The following MAPK10 variants were observed in gnomAD, a reference collection of about 807,000 sequenced individuals.
The protein encoded by MAPK10 is JNK3 alpha protein kinase.
Under a neutral mutation model 59.3 loss-of-function variants are expected in MAPK10, and 25 were observed. That is an observed-to-expected ratio of 0.42 (90% CI 0.31 to 0.59). The LOEUF is 0.59. MAPK10 is among the 20% of genes least tolerant of loss of function. MAPK10 has a pLI of 0.15. For missense variants in MAPK10, 351 were observed against 568.9 expected, an observed-to-expected ratio of 0.62 and a Z score of 3.90; for synonymous variants, 190 against 200.5, an observed-to-expected ratio of 0.95 and a Z score of 0.44.
At chr4:86,031,289 GT>G in intron 12 of MAPK10, 78 bp downstream of exon 12, 2 of 1,020,604 alleles carry the variant, frequency 2.0e-6, no homozygotes, top group Non-Finnish European at 3.0e-6. Flanking sequence ...TTAGTAAATT[GT>G]TTTACAAGGA....
At chr4:86,086,017 G>C (rs1437979136) in intron 9 of MAPK10, among the ~76,000 whole-genome samples, 1 of 152,124 alleles carries the variant, frequency 6.6e-6, no homozygotes, top group Non-Finnish European at 1.5e-5. Context: ...GGCCTGTCAG[G>C]GGAGCTGGGT....
intron 1 of MAPK10, among the ~76,000 whole-genome samples, chr4:86,552,485 G>A (rs1759900131): frequency 1.5e-5 from 1 of 64,546 alleles, no homozygotes; most frequent in African/African-American, 4.9e-5. Flanking sequence ...GGGAGGGAGG[G>A]AGGGAGGGAG....
In MAPK10 at chr4:86,150,318, C is replaced by G. The variant is rs546400434; in HGVS notation, c.236+8980G>C. ...CAGGAGAAAAAGGGTAAGAGGGGGT[C>G]AAGGGATAAAAAACTACACATTAGG... On this transcript the variant is annotated intron_variant, in intron 4 of 13. Coordinates refer to ENST00000641462, the MANE Select transcript of MAPK10 (RefSeq NM_138982.4). Among the ~76,000 whole-genome samples, 9 of 152,190 alleles carry G rather than the reference C, an allele frequency of 5.9e-5. No individual in the cohort carries two copies. The South Asian group carries it at 1.7e-3, about 28-fold the overall frequency.
intron 1 of MAPK10, among the ~76,000 whole-genome samples, chr4:86,582,867 G>A (rs1762397629): frequency 6.6e-6 from 1 of 151,938 alleles, no homozygotes; most frequent in African/African-American, 2.4e-5. Flanking sequence ...ATATTTGAAT[G>A]TGTTATTAAT....
At chr4:86,020,039 T>C (rs1745584285) in intron 13 of MAPK10, among the ~76,000 whole-genome samples, 1 of 152,214 alleles carries the variant, frequency 6.6e-6, no homozygotes, top group Admixed American at 6.5e-5. Flanking sequence ...CACAATCCAT[T>C]TTGCAGCATT....
chr4:86,064,651 T>C, intron 10 of MAPK10: 2 of 428,556 alleles, frequency 4.7e-6, no homozygotes, highest in Non-Finnish European at 4.2e-6. Flanking sequence ...TAGTAAAATG[T>C]ATCAACCTGG....
intron 1 of MAPK10, among the ~76,000 whole-genome samples, chr4:86,559,218 C>T (rs953031463): frequency 3.3e-5 from 5 of 151,444 alleles, no homozygotes; most frequent in Admixed American, 2.6e-4. Flanking sequence ...CCAAATCCAA[C>T]GGTTTTGCTG....
In MAPK10 at chr4:86,014,633, T is replaced by C. The variant is rs540669605; in HGVS notation, c.*2595A>G. On this transcript the variant is annotated 3_prime_UTR_variant, in exon 14 of 14. Transcript: ENST00000641462. ...TCCATAAGGGAAATCTGGCTAAAGC[T>C]AACCAGCTCCCAAGAGCCATGCACA... 3.3e-5 allele frequency: 5 copies of C among 152,304 alleles called. No individual in the cohort carries two copies. The East Asian group carries it at 5.8e-4, about 18-fold the overall frequency. 9.4% of individuals were successfully genotyped at this position (152,304 alleles called of 1,614,324 possible).
chr4:86,118,393 C>T (rs931126680), intron 4 of MAPK10, among the ~76,000 whole-genome samples: 2 of 152,068 alleles, frequency 1.3e-5, no homozygotes, highest in African/African-American at 4.8e-5. Flanking sequence ...AACAATTCTC[C>T]AGCCACACTG....
At chr4:86,282,028 A>G (rs2094828730) in intron 2 of MAPK10, among the ~76,000 whole-genome samples, 1 of 152,178 alleles carries the variant, frequency 6.6e-6, no homozygotes, top group Non-Finnish European at 1.5e-5. Context: ...AGATGGAATA[A>G]TTATCGAAGG....
intron 3 of MAPK10, among the ~76,000 whole-genome samples, chr4:86,167,818 A>G: frequency 6.6e-6 from 1 of 152,202 alleles, no homozygotes; most frequent in Non-Finnish European, 1.5e-5. Flanking sequence ...AAACTGGCAC[A>G]AGACAAGGAT....
At chr4:86,246,198 G>A (rs996239835) in intron 2 of MAPK10, among the ~76,000 whole-genome samples, 10 of 152,166 alleles carry the variant, frequency 6.6e-5, no homozygotes, top group African/African-American at 1.4e-4. Context: ...TTGGGAGGCC[G>A]AGGTGGACAG....
At chr4:86,148,254 T>C (rs1461153252) in intron 4 of MAPK10, among the ~76,000 whole-genome samples, 1 of 152,148 alleles carries the variant, frequency 6.6e-6, no homozygotes, top group Non-Finnish European at 1.5e-5. Context: ...GCAGAAAAGG[T>C]GACCCCATAA....
intron 2 of MAPK10, among the ~76,000 whole-genome samples, chr4:86,249,789 G>A (rs1661762476): frequency 6.6e-6 from 1 of 151,970 alleles, no homozygotes; most frequent in African/African-American, 2.4e-5. Context: ...ATACTTCTAG[G>A]CCAGGTGGGC....
intron 11 of MAPK10, among the ~76,000 whole-genome samples, chr4:86,032,884 T>TG (rs2039374521): frequency 6.6e-6 from 1 of 152,214 alleles, no homozygotes; most frequent in East Asian, 1.9e-4. Context: ...TGACTGATAC[T>TG]GGGGCAGAAG....
chr4:86,363,430 C>T (rs1578909272), upstream of MAPK10, among the ~76,000 whole-genome samples: 1 of 152,092 alleles, frequency 6.6e-6, no homozygotes, highest in South Asian at 2.1e-4. Context: ...AGAATGGCAA[C>T]CAGAAACAGG....
intron 2 of MAPK10, among the ~76,000 whole-genome samples, chr4:86,330,576 G>A (rs1273713129): frequency 1.3e-5 from 2 of 152,156 alleles, no homozygotes; most frequent in Non-Finnish European, 2.9e-5. Context: ...AGATCTGATG[G>A]TTTTATAAGG....
chr4:86,572,892 TAATTTCGGTGAA>T (rs1761574085), intron 1 of MAPK10, among the ~76,000 whole-genome samples: 1 of 152,244 alleles, frequency 6.6e-6, no homozygotes, highest in Non-Finnish European at 1.5e-5. Flanking sequence ...TCCTAATTAA[TAATTTCGGTGAA>T]TATCATGTGT....
At chr4:86,102,421 C>T (rs1410923485) in intron 6 of MAPK10, 1 of 167,154 alleles carries the variant, frequency 6.0e-6, no homozygotes, top group East Asian at 1.6e-4. Context: ...TTCCTCTCCT[C>T]CATCTGTTGT....
Sources: gnomAD v4.1 joint callset for allele counts (sites outside exome capture counted in the v4.1 genomes callset) on GRCh38, gnomAD v4.1.1 for gene constraint, MANE v1.5 for transcripts, NCBI Gene and HGNC (gene_info 2026-07-23, HGNC 2026-07-21) for gene names.